KCND3: variants seen among roughly 807,000 people sequenced by gnomAD.
KCND3 encodes the protein A-type voltage-gated potassium channel KCND3.
KCND3 carries 9 observed loss-of-function variants against 51.1 expected under a neutral mutation model. The observed-to-expected ratio is 0.18, with a 90% CI of 0.11 to 0.31. The LOEUF is 0.31. Among genes scored for constraint, KCND3 ranks in the 10% least tolerant of loss-of-function variants. The pLI, the probability that KCND3 is intolerant of heterozygous loss-of-function variation, is 1.00. For missense variants in KCND3, 526 were observed against 903.8 expected (o/e 0.58, Z 5.36); for synonymous variants, 349 against 368.0 (o/e 0.95, Z 0.59).
At chr1:111,787,707 A>C (rs974999839) in intron 2 of KCND3, among the ~76,000 whole-genome samples, 3 of 152,244 alleles carry the variant, frequency 2.0e-5, no homozygotes, top group African/African-American at 7.2e-5. Flanking sequence ...AGTTTTAAGC[A>C]AAAGAGTAAC....
chr1:111,817,456 A>G (rs1666150222), intron 2 of KCND3, among the ~76,000 whole-genome samples: 1 of 152,252 alleles, frequency 6.6e-6, no homozygotes, highest in South Asian at 2.1e-4. Context: ...TGTTTAACAT[A>G]GCATTGTTTA....
intron 2 of KCND3, among the ~76,000 whole-genome samples, chr1:111,907,801 T>C (rs1670716862): frequency 6.6e-6 from 1 of 152,232 alleles, no homozygotes; most frequent in South Asian, 2.1e-4. Context: ...GAAAGCTGTC[T>C]GGAGACTCTG....
At chr1:111,888,024 C>T (rs1669646334) in intron 2 of KCND3, among the ~76,000 whole-genome samples, 1 of 152,244 alleles carries the variant, frequency 6.6e-6, no homozygotes, top group Non-Finnish European at 1.5e-5. Context: ...GCACAAGGTA[C>T]CCCTGGCTGG....
intron 2 of KCND3, among the ~76,000 whole-genome samples, chr1:111,850,546 C>T (rs562042157): frequency 7.2e-5 from 11 of 152,220 alleles, no homozygotes; most frequent in Non-Finnish European, 1.6e-4. Flanking sequence ...GGGAGCCTAA[C>T]ATGTACAGAC....
chr1:111,821,177 G>A (rs998115496), intron 2 of KCND3, among the ~76,000 whole-genome samples: 6 of 152,194 alleles, frequency 3.9e-5, no homozygotes, highest in African/African-American at 1.2e-4. Flanking sequence ...CTCAGTAAAT[G>A]CCTGTGGAAT....
chr1:111,844,363 AG>A (rs1667458057), intron 2 of KCND3, among the ~76,000 whole-genome samples: 1 of 152,136 alleles, frequency 6.6e-6, no homozygotes, highest in South Asian at 2.1e-4. Flanking sequence ...CATTTTTTAA[AG>A]GATCCAGCTT....
chr1:111,842,879 G>A (rs1366748468), intron 2 of KCND3, among the ~76,000 whole-genome samples: 2 of 152,188 alleles, frequency 1.3e-5, no homozygotes, highest in Non-Finnish European at 2.9e-5. Context: ...CTTGGATCAC[G>A]GCAGTCTTTG....
Position 111,773,109 on chromosome 1 carries a change from G to A in KCND3, c.*2968C>T, listed in dbSNP as rs1295742601. 1 of 152,194 alleles carries A rather than the reference G, an allele frequency of 6.6e-6. No individual in the cohort carries two copies. The highest frequency in any genetic ancestry group is 6.5e-5 in the Admixed American group (1 of 15,274). The allele number at this position is 152,194 out of a possible 1,614,324, so 9.4% of individuals were successfully genotyped here. Reference sequence around the variant, plus strand: ...TCTGGCTAAGGCTACAGTGGAGGATGGAGGAAAAGGGGATGGTCTAATGGT... The same window carrying A: ...TCTGGCTAAGGCTACAGTGGAGGATAGAGGAAAAGGGGATGGTCTAATGGT... On this transcript the variant is annotated 3_prime_UTR_variant, in exon 8 of 8. Coordinates refer to ENST00000302127, the MANE Select transcript of KCND3 (RefSeq NM_001378969.1).
intron 2 of KCND3, among the ~76,000 whole-genome samples, chr1:111,942,738 G>T (rs908911956): frequency 6.6e-6 from 1 of 152,222 alleles, no homozygotes. Context: ...AGATGTGTTA[G>T]GGAGAAAATA....
intron 2 of KCND3, among the ~76,000 whole-genome samples, chr1:111,908,951 C>CTT (rs34151345): frequency 0.083 from 10,853 of 131,254 alleles, 751 homozygotes; most frequent in East Asian, 0.4. Context: ...GGTCTCATGC[C>CTT]TTTTTTTTTT....
In KCND3 at chr1:111,937,651, C is replaced by T. The variant is rs368747598; in HGVS notation, c.1106+43970G>A. ...GGCAGGCATAAAACAGTGTAGCCATCAGAGAGGGACGAGGCCAGGGCATAA... is the reference window on the plus strand; with the variant it reads ...GGCAGGCATAAAACAGTGTAGCCATTAGAGAGGGACGAGGCCAGGGCATAA... On this transcript the variant is annotated intron_variant, in intron 2 of 7. Coordinates refer to ENST00000302127, the MANE Select transcript of KCND3 (RefSeq NM_001378969.1). 2.0e-5 allele frequency among the ~76,000 whole-genome samples: 3 copies of T among 152,172 alleles called. No homozygotes were observed. The South Asian group carries it at 6.2e-4, about 32-fold the overall frequency.
At chr1:111,863,647 AG>A (rs1385720032) in intron 2 of KCND3, among the ~76,000 whole-genome samples, 1 of 152,232 alleles carries the variant, frequency 6.6e-6, no homozygotes, top group African/African-American at 2.4e-5. Flanking sequence ...CAGAGGTCAC[AG>A]GGGACTTAGG....
chr1:111,776,530 C>A (rs1238587354), intron 7 of KCND3, among the ~76,000 whole-genome samples: 1 of 152,186 alleles, frequency 6.6e-6, no homozygotes, highest in Non-Finnish European at 1.5e-5. Flanking sequence ...GTATATCTAT[C>A]ATTTGTGGCA....
intron 2 of KCND3, among the ~76,000 whole-genome samples, chr1:111,938,064 A>T (rs757085424): frequency 6.6e-6 from 1 of 152,194 alleles, no homozygotes; most frequent in Non-Finnish European, 1.5e-5. Context: ...TCTCCCCAGA[A>T]GGCTATTTCA....
intron 2 of KCND3, among the ~76,000 whole-genome samples, chr1:111,842,878 C>T (rs578085575): frequency 2.0e-4 from 30 of 152,266 alleles, no homozygotes; most frequent in African/African-American, 6.7e-4. Flanking sequence ...CCTTGGATCA[C>T]GGCAGTCTTT....
intron 2 of KCND3, among the ~76,000 whole-genome samples, chr1:111,820,725 T>C (rs1409326919): frequency 6.6e-6 from 1 of 152,166 alleles, no homozygotes; most frequent in Non-Finnish European, 1.5e-5. Flanking sequence ...ATAGGCTCTT[T>C]GTGGATGTAA....
intron 2 of KCND3, among the ~76,000 whole-genome samples, chr1:111,923,633 C>G (rs1016430907): frequency 6.6e-6 from 1 of 152,186 alleles, no homozygotes; most frequent in Non-Finnish European, 1.5e-5. Flanking sequence ...TGTTATAACA[C>G]CTGGGTCAAC....
At chr1:111,851,163 C>T (rs984624983) in intron 2 of KCND3, among the ~76,000 whole-genome samples, 3 of 152,226 alleles carry the variant, frequency 2.0e-5, no homozygotes, top group African/African-American at 7.2e-5. Context: ...ATTTTATCCA[C>T]TCCACATAAG....
chr1:111,776,788 A>G, intron 7 of KCND3, among the ~76,000 whole-genome samples: 1 of 151,634 alleles, frequency 6.6e-6, no homozygotes, highest in East Asian at 1.9e-4. Context: ...AATTATTTTT[A>G]AAGTTTTTTT....
Sources: gnomAD v4.1 joint callset for allele counts (sites outside exome capture counted in the v4.1 genomes callset) on GRCh38, gnomAD v4.1.1 for gene constraint, MANE v1.5 for transcripts, NCBI Gene and HGNC (gene_info 2026-07-23, HGNC 2026-07-21) for gene names.